SLC25A30: variants seen among roughly 807,000 people sequenced by gnomAD.
SLC25A30 encodes the protein solute carrier family 25 member 30.
SLC25A30 carries 29 observed loss-of-function variants against 42.7 expected under a neutral mutation model. The ratio of observed to expected loss-of-function variants is 0.68; its 90% CI spans 0.51 to 0.93. The LOEUF is 0.93. Among genes scored for constraint, SLC25A30 ranks in the 40% least tolerant of loss-of-function variants. The pLI is 0.00. For synonymous variants in SLC25A30, 124 were observed against 131.0 expected (o/e 0.95, Z 0.37); for missense variants, 300 against 359.7 (o/e 0.83, Z 1.34).
chr13:45,416,300 C>T (rs1232282349), intron 1 of SLC25A30, among the ~76,000 whole-genome samples: 2 of 151,648 alleles, frequency 1.3e-5, no homozygotes, highest in African/African-American at 4.8e-5. Context: ...TCTAGCTATT[C>T]GGGAGGCTGA....
At chr13:45,425,606 AT>A in the SLC25A30 span, among the ~76,000 whole-genome samples, 1,597 of 55,936 alleles carry the variant, frequency 0.029, 169 homozygotes, top group African/African-American at 0.13. Flanking sequence ...ACATATATAT[AT>A]ACATATATAA....
intron 2 of SLC25A30, 99 bp downstream of exon 2, chr13:45,411,263 C>A: frequency 1.0e-6 from 1 of 979,210 alleles, no homozygotes; most frequent in Non-Finnish European, 1.6e-6. Context: ...AATTCTGAGA[C>A]AAACATTTCA....
At chr13:45,427,846 C>T in the SLC25A30 span, among the ~76,000 whole-genome samples, 6 of 150,952 alleles carry the variant, frequency 4.0e-5, no homozygotes, top group Admixed American at 2.6e-4. Flanking sequence ...CAGGTTCAAG[C>T]GATTCTCCTG....
At chr13:45,425,760 T>G in the SLC25A30 span, among the ~76,000 whole-genome samples, 1 of 144,778 alleles carries the variant, frequency 6.9e-6, no homozygotes. Flanking sequence ...TGGTGGGAAC[T>G]CGGCTCACTG....
the SLC25A30 span, among the ~76,000 whole-genome samples, chr13:45,424,408 AAT>A: frequency 6.7e-5 from 4 of 59,826 alleles, no homozygotes; most frequent in African/African-American, 2.0e-4. Context: ...AATATATAAA[AAT>A]ATATATAAAT....
At chr13:45,424,104 A>AATATATATAAATCTAT in the SLC25A30 span, among the ~76,000 whole-genome samples, 3 of 37,462 alleles carry the variant, frequency 8.0e-5, no homozygotes, top group African/African-American at 2.8e-4. Flanking sequence ...TAAATATATA[A>AATATATATAAATCTAT]AAATATATAT....
chr13:45,398,645 G>A (rs1881613544), intron 8 of SLC25A30: 1 of 229,602 alleles, frequency 4.4e-6, no homozygotes, highest in African/African-American at 2.3e-5. Context: ...CTGAATGAGG[G>A]ATATTCATAC....
At chr13:45,410,947 C>CT (rs1031830098) in intron 2 of SLC25A30, among the ~76,000 whole-genome samples, 1 of 151,934 alleles carries the variant, frequency 6.6e-6, no homozygotes, top group Non-Finnish European at 1.5e-5. Context: ...AGAAAACTTT[C>CT]TTTTTTTTGA....
chr13:45,433,680 G>A, the SLC25A30 span, among the ~76,000 whole-genome samples: 3 of 152,198 alleles, frequency 2.0e-5, no homozygotes, highest in African/African-American at 4.8e-5. Flanking sequence ...GAAGCTGGCC[G>A]AGGCCTGAGG....
upstream of SLC25A30, among the ~76,000 whole-genome samples, chr13:45,418,952 A>AAC: frequency 1.6e-5 from 1 of 61,736 alleles, no homozygotes; most frequent in Non-Finnish European, 3.0e-5. Context: ...AAAAAAAAAA[A>AAC]AAAAAAAAAA....
the SLC25A30 span, among the ~76,000 whole-genome samples, chr13:45,424,644 T>G: frequency 1.2e-4 from 8 of 67,544 alleles, 1 homozygote; most frequent in African/African-American, 1.7e-4. Flanking sequence ...TATATAAACA[T>G]AAATATATAT....
Position 45,394,877 on chromosome 13 carries a change from CTAAAG to C in SLC25A30, c.*1092_*1096del. 1.0e-6 allele frequency: 1 copy of C among 985,406 alleles called. No homozygotes were observed. Among genetic ancestry groups the C allele is most frequent in the Non-Finnish European group, 1.2e-6 (1 of 829,906 alleles). 61.0% of individuals were successfully genotyped at this position (985,406 alleles called of 1,614,324 possible). A position where few individuals can be genotyped will look rare whatever the true frequency, so the allele number is the denominator to read the frequency against. On this transcript the variant is annotated 3_prime_UTR_variant, in exon 10 of 10. Transcript: ENST00000519676. ...AAGTCCAAGACAGGCACAACATAAACTAAAGTAAAAACTGGAAACCTGGAAAAATC... is the reference window on the plus strand; with the variant it reads ...AAGTCCAAGACAGGCACAACATAAACTAAAAACTGGAAACCTGGAAAAATC...
chr13:45,409,373 A>G (rs1029958797), intron 2 of SLC25A30, among the ~76,000 whole-genome samples: 1 of 152,210 alleles, frequency 6.6e-6, no homozygotes, highest in Non-Finnish European at 1.5e-5. Flanking sequence ...GGTATGATTT[A>G]CCTAAACAGG....
chr13:45,402,750 C>T, intron 5 of SLC25A30: 2 of 983,958 alleles, frequency 2.0e-6, no homozygotes, highest in Non-Finnish European at 2.4e-6. Flanking sequence ...ATGAGTTATC[C>T]AGTGTACCTG....
chr13:45,393,664 C>T lies in SLC25A30; in HGVS notation c.*2310G>A. On this transcript the variant is annotated 3_prime_UTR_variant, in exon 10 of 10. Coordinates refer to ENST00000519676, the MANE Select transcript of SLC25A30 (RefSeq NM_001010875.4). The stretch of plus-strand genomic sequence containing the variant: ...AACCCTGACAACGAGGGGACCAAGT[C>T]TCCCAATTCCTTAAGTTGTTTCTTG... 9 of 985,420 alleles carry T rather than the reference C, an allele frequency of 9.1e-6. No individual in the cohort carries two copies. The highest frequency in any genetic ancestry group is 1.1e-5 in the Non-Finnish European group (9 of 829,928). 61.0% of individuals were successfully genotyped at this position (985,420 alleles called of 1,614,324 possible).
rs762756746 is a variant in SLC25A30 at position 45,405,889 on chromosome 13, G to A, written c.301C>T (p.Pro101Ser). ...QSLKRLFIER[P>S]EDETLPINVI... is the part of the protein sequence containing the mutation. ...AAACAGATTCCCCACTCACCTTCTGGGCGTTCAATGAATAGTCGCTTCAAG... is the reference window on the plus strand; with the variant it reads ...AAACAGATTCCCCACTCACCTTCTGAGCGTTCAATGAATAGTCGCTTCAAG... Residue 101 changes from proline to serine, a missense_variant, in exon 4 of 10, where the codon CCA becomes TCA. Pro to Ser is a moderately conservative substitution (Grantham distance 74). Coordinates refer to ENST00000519676, the MANE Select transcript of SLC25A30 (RefSeq NM_001010875.4). 3 of 1,613,894 alleles carry A rather than the reference G, an allele frequency of 1.9e-6. No individual in the cohort carries two copies. Among genetic ancestry groups the A allele is most frequent in the African/African-American group, 2.7e-5 (2 of 74,902 alleles).
the SLC25A30 span, among the ~76,000 whole-genome samples, chr13:45,433,102 A>G: frequency 5.3e-5 from 8 of 151,622 alleles, no homozygotes; most frequent in Non-Finnish European, 8.8e-5. Flanking sequence ...TTAGCCCATC[A>G]TTTGGCTAAA....
chr13:45,411,568 G>A (rs934284753), intron 1 of SLC25A30, 88 bp from the exon 2 acceptor site: 2 of 856,048 alleles, frequency 2.3e-6, no homozygotes, highest in African/African-American at 1.7e-5. Flanking sequence ...TTTATTTGGA[G>A]AGTGCTATCA....
chr13:45,426,383 C>G, the SLC25A30 span, among the ~76,000 whole-genome samples: 1 of 152,114 alleles, frequency 6.6e-6, no homozygotes, highest in Non-Finnish European at 1.5e-5. Flanking sequence ...CCGCCCCCGG[C>G]CCAGTTTTTA....
Sources: allele counts gnomAD v4.1 joint callset (sites outside exome capture counted in the v4.1 genomes callset), GRCh38; gene constraint gnomAD v4.1.1; transcripts MANE v1.5; gene names NCBI Gene and HGNC (gene_info 2026-07-23, HGNC 2026-07-21).